NLRP8: variants seen among roughly 807,000 people sequenced by gnomAD.
The protein encoded by NLRP8 is NLR family pyrin domain containing 8.
NLRP8 carries 86 observed loss-of-function variants against 88.7 expected under a neutral mutation model. The observed-to-expected ratio is 0.97, with a 90% CI of 0.81 to 1.16. The LOEUF is 1.16. Among genes scored for constraint, NLRP8 ranks in the 50% most tolerant of loss-of-function variants. The pLI, the probability that NLRP8 is intolerant of heterozygous loss-of-function variation, is 0.00. For missense variants in NLRP8, 1,342 were observed against 1,286.5 expected (o/e 1.04, Z -0.66); for synonymous variants, 504 against 494.6 (o/e 1.02, Z -0.25).
intron 6 of NLRP8, among the ~76,000 whole-genome samples, 161 bp downstream of exon 6, chr19:55,970,857 T>C (rs1434305056): frequency 1.3e-5 from 2 of 152,072 alleles, no homozygotes; most frequent in South Asian, 4.1e-4. Context: ...TCAATAAGGG[T>C]CCAGCCAAGA....
chr19:55,950,531 C>T (rs1979045811), intron 1 of NLRP8, among the ~76,000 whole-genome samples: 1 of 152,082 alleles, frequency 6.6e-6, no homozygotes, highest in South Asian at 2.1e-4. Context: ...TATTCGTAAC[C>T]CCCAAATCAA....
At chr19:55,956,781 C>T (rs1446922199) in intron 3 of NLRP8, among the ~76,000 whole-genome samples, 1 of 151,984 alleles carries the variant, frequency 6.6e-6, no homozygotes, top group Admixed American at 6.6e-5. Context: ...AAAGATGGGA[C>T]CTTGCTTCAT....
chr19:55,980,495 G>T (rs1905942913), intron 9 of NLRP8, among the ~76,000 whole-genome samples: 1 of 152,208 alleles, frequency 6.6e-6, no homozygotes, highest in Non-Finnish European at 1.5e-5. Flanking sequence ...TCTAGCTCAT[G>T]GTATCTCCCG....
chr19:55,979,797 T>C (rs1980499320), intron 9 of NLRP8, among the ~76,000 whole-genome samples: 1 of 152,092 alleles, frequency 6.6e-6, no homozygotes, highest in Non-Finnish European at 1.5e-5. Context: ...TGCATGCCTG[T>C]AGTCCCAGCT....
chr19:55,977,062 A>G (rs1211119205), intron 8 of NLRP8, among the ~76,000 whole-genome samples: 1 of 148,300 alleles, frequency 6.7e-6, no homozygotes, highest in Non-Finnish European at 1.5e-5. Context: ...CCTGGGCCAC[A>G]GAGTGAGACT....
At chr19:55,971,957 C>T (rs1980092307) in intron 6 of NLRP8, among the ~76,000 whole-genome samples, 1 of 151,996 alleles carries the variant, frequency 6.6e-6, no homozygotes, top group Admixed American at 6.6e-5. Flanking sequence ...CTTAGTTTAT[C>T]TGATTTGCAT....
intron 1 of NLRP8, among the ~76,000 whole-genome samples, chr19:55,948,842 G>A (rs1268167705): frequency 6.6e-6 from 1 of 152,196 alleles, no homozygotes; most frequent in Non-Finnish European, 1.5e-5. Flanking sequence ...AAAAGCATAT[G>A]CTATGGAAAC....
Position 55,987,877 on chromosome 19 carries a change from G to T in NLRP8, c.3111G>T (p.Thr1037=). The T allele has an allele frequency of 6.2e-7, 1 of 1,613,982 alleles. No individual in the cohort carries two copies. Among genetic ancestry groups the T allele is most frequent in the Admixed American group, 1.7e-5 (1 of 60,002 alleles). ...CAACTCCTCACCCACCCGACTTCAC[G>T]GGAAAAAGTGACTGCCTATCCCAGA... is the stretch of plus-strand genomic sequence containing the variant. The change falls in exon 10 of 10, where the codon ACG becomes ACT. Residue 1037 remains threonine (T), a synonymous_variant. Transcript: ENST00000291971.
chr19:55,955,466 G>A lies in NLRP8; in HGVS notation c.1408G>A (p.Gly470Ser). The stretch of plus-strand genomic sequence containing the variant: ...CATGTGGCACAGGAAATGGGTGTTA[G>A]GTAAAGAAGATCTTGAGGAAGCCAA... Residue 470 changes from glycine (G) to serine (S), a missense_variant, in exon 3 of 10, where the codon GGT (glycine) becomes AGT (serine). Transcript: ENST00000291971. The A allele has an allele frequency of 6.2e-7, 1 of 1,614,224 alleles. No individual in the cohort carries two copies. Among genetic ancestry groups the A allele is most frequent in the East Asian group, 2.2e-5 (1 of 44,892 alleles).
chr19:55,951,241 C>CGA (rs1979081853), intron 1 of NLRP8, among the ~76,000 whole-genome samples: 2 of 151,932 alleles, frequency 1.3e-5, no homozygotes, highest in Admixed American at 1.3e-4. Context: ...TGGTTGACCA[C>CGA]GAGCTCAATG....
chr19:55,961,333 C>G (rs767082956), intron 3 of NLRP8, among the ~76,000 whole-genome samples: 3 of 152,130 alleles, frequency 2.0e-5, no homozygotes, highest in Non-Finnish European at 4.4e-5. Flanking sequence ...AAACTACATG[C>G]CAATCTAGCT....
Position 55,970,420 on chromosome 19 carries a change from G to A in NLRP8, c.2382-124G>A, listed in dbSNP as rs1980022693. 8 of 1,182,272 alleles carry A rather than the reference G, an allele frequency of 6.8e-6. 1 individual carries two copies. Among genetic ancestry groups the A allele is most frequent in the Non-Finnish European group, 9.4e-6 (8 of 847,020 alleles). The allele number at this position is 1,182,272 out of a possible 1,614,324, so 73.2% of individuals were successfully genotyped here. On this transcript the variant is annotated intron_variant, in intron 5 of 9. Coordinates refer to ENST00000291971, the MANE Select transcript of NLRP8 (RefSeq NM_176811.2). ...TTGGTGCAGGTGTGCTGGCCGGAAA[G>A]TTGGAAATAATCCCCCGAGTCTCTG...
intron 9 of NLRP8, among the ~76,000 whole-genome samples, chr19:55,984,672 A>C (rs1025736865): frequency 4.6e-4 from 66 of 144,686 alleles, no homozygotes; most frequent in Middle Eastern, 7.1e-3. Flanking sequence ...AAAAAAAAAA[A>C]AACAACAGTT....
At chr19:55,980,302 C>A (rs306473) in intron 9 of NLRP8, among the ~76,000 whole-genome samples, 5 of 152,026 alleles carry the variant, frequency 3.3e-5, no homozygotes, top group African/African-American at 4.8e-5. Flanking sequence ...AACACAGTGC[C>A]TAACACATGT....
At chr19:55,962,348 T>G (rs1463741845) in intron 4 of NLRP8, 111 bp downstream of exon 4, 2 of 1,196,474 alleles carry the variant, frequency 1.7e-6, no homozygotes, top group Non-Finnish European at 2.3e-6. Flanking sequence ...AGCACCCATG[T>G]CCAGCCTTGG....
At chr19:55,984,875 T>C (rs1238534834) in intron 9 of NLRP8, among the ~76,000 whole-genome samples, 4 of 151,978 alleles carry the variant, frequency 2.6e-5, no homozygotes, top group Admixed American at 2.6e-4. Context: ...AATGGAGAAA[T>C]ATACAAACTT....
rs61750017 is a variant in NLRP8, at chr19:55,955,894, T to C, written c.1836T>C (p.Cys612=). 1,565 of 1,614,188 alleles carry C rather than the reference T, an allele frequency of 9.7e-4. 15 individuals are homozygous for C. In the African/African-American group the frequency reaches 0.018, roughly 19 times the overall value. The change falls in exon 3 of 10, where the codon TGT becomes TGC. Residue 612 remains cysteine (C), a synonymous_variant. Transcript: ENST00000291971. ...GTGGGGTCCCGCAGTTATTCTACTGTCTGCATGAAATCCGGGAGGAAGCCT... is the reference window on the plus strand; with the variant it reads ...GTGGGGTCCCGCAGTTATTCTACTGCCTGCATGAAATCCGGGAGGAAGCCT...
At position 55,957,675 on chromosome 19, in the gene NLRP8, ATATAT is replaced by A. The variant is rs1979425703; in HGVS notation, c.2042+1576_2042+1580del. 1.1e-3 allele frequency among the ~76,000 whole-genome samples: 113 copies of A among 105,546 alleles called. 5 individuals are homozygous for A. Among genetic ancestry groups the A allele is most frequent in the African/African-American group, 1.6e-3 (35 of 21,874 alleles). The allele number at this position is 105,546 out of a possible 152,430, so 69.2% of individuals were successfully genotyped here. On this transcript the variant is annotated intron_variant, in intron 3 of 9. Transcript: ENST00000291971. ...TCTTAAAAAAGAAAAAATAATAATT[ATATAT>A]ATATATATATATATATATATATATA...
At chr19:55,954,440 A>G (rs530753911) in intron 2 of NLRP8, 61 bp from the exon 3 acceptor site, 9 of 1,520,136 alleles carry the variant, frequency 5.9e-6, no homozygotes, top group Non-Finnish European at 7.2e-6. Flanking sequence ...TTATTGCTCT[A>G]TTAGTTCTTG....
Sources: gnomAD v4.1 joint callset for allele counts (sites outside exome capture counted in the v4.1 genomes callset) on GRCh38, gnomAD v4.1.1 for gene constraint, MANE v1.5 for transcripts, NCBI Gene and HGNC (gene_info 2026-07-23, HGNC 2026-07-21) for gene names.